The following RBKS variants were observed in gnomAD, a reference collection of about 807,000 sequenced individuals.
RBKS encodes ribokinase.
RBKS carries 33 observed loss-of-function variants against 33.9 expected under a neutral mutation model. That is an observed-to-expected ratio of 0.97 (90% confidence interval 0.74 to 1.30). The LOEUF is 1.30. RBKS is among the 50% of genes most tolerant of loss of function. The pLI is 0.00. For synonymous variants in RBKS, 125 were observed against 143.0 expected, an observed-to-expected ratio of 0.87 and a Z score of 0.90; for missense variants, 361 against 392.6, an observed-to-expected ratio of 0.92 and a Z score of 0.68.
At chr2:27,848,609 TGTTAA>T (rs1289584402) in intron 2 of RBKS, among the ~76,000 whole-genome samples, 1 of 152,226 alleles carries the variant, frequency 6.6e-6, no homozygotes, top group Non-Finnish European at 1.5e-5. Flanking sequence ...GCATCTATTC[TGTTAA>T]AGGTATTTCA....
chr2:27,840,352 ACACGCGCGCGCG>A (rs1558546936), intron 5 of RBKS, among the ~76,000 whole-genome samples: 3 of 132,926 alleles, frequency 2.3e-5, no homozygotes, highest in African/African-American at 3.2e-5. Context: ...ACACACACAC[ACACGCGCGCGCG>A]CACACACACA....
intron 7 of RBKS, among the ~76,000 whole-genome samples, chr2:27,811,388 T>A (rs1347171406): frequency 6.6e-6 from 1 of 152,244 alleles, no homozygotes; most frequent in Non-Finnish European, 1.5e-5. Context: ...GTGTGCTGAA[T>A]AAGAAAGTGT....
chr2:27,873,772 G>A (rs969652331), intron 1 of RBKS, among the ~76,000 whole-genome samples: 5 of 151,790 alleles, frequency 3.3e-5, no homozygotes, highest in Non-Finnish European at 7.4e-5. Context: ...GCATTTGAAC[G>A]TATTTTTGAC....
At chr2:27,797,919 G>C (rs1250968509) in intron 7 of RBKS, among the ~76,000 whole-genome samples, 1 of 152,148 alleles carries the variant, frequency 6.6e-6, no homozygotes, top group African/African-American at 2.4e-5. Context: ...GCTGCTCAGA[G>C]AGGAGGATGT....
intron 2 of RBKS, among the ~76,000 whole-genome samples, chr2:27,851,637 C>T (rs1230043331): frequency 1.3e-5 from 2 of 152,048 alleles, no homozygotes; most frequent in East Asian, 3.9e-4. Context: ...CTCTTGGGTT[C>T]AGGTGATTCT....
intron 1 of RBKS, among the ~76,000 whole-genome samples, chr2:27,883,247 TG>T (rs1182858849): frequency 5.3e-5 from 8 of 151,510 alleles, no homozygotes; most frequent in African/African-American, 1.9e-4. Flanking sequence ...TCACCCAGGC[TG>T]GAGTGCAGTG....
chr2:27,860,577 C>G (rs923691611), intron 1 of RBKS, among the ~76,000 whole-genome samples: 1 of 152,010 alleles, frequency 6.6e-6, no homozygotes, highest in Non-Finnish European at 1.5e-5. Context: ...TAAAAATCAC[C>G]AGATTATTAC....
intron 5 of RBKS, among the ~76,000 whole-genome samples, chr2:27,838,246 G>A (rs1350328751): frequency 2.6e-5 from 4 of 151,952 alleles, no homozygotes; most frequent in South Asian, 2.1e-4. Context: ...ATGTACCCCC[G>A]TGTCTAAAAT....
intron 2 of RBKS, among the ~76,000 whole-genome samples, chr2:27,850,620 T>C (rs1209172300): frequency 6.6e-6 from 1 of 152,228 alleles, no homozygotes; most frequent in African/African-American, 2.4e-5. Context: ...AATATGCAAC[T>C]AAAGTTCCTC....
rs957141682 is a variant in RBKS at position 27,864,117 on chromosome 2, C to G, written c.90-5546G>C. ...CCACAGCTCACTGTAACCTCGAACT[C>G]CTGGGCTCAAGCAATCCTCCTGCCT... On this transcript the variant is annotated intron_variant, in intron 1 of 7. Coordinates refer to ENST00000302188, the MANE Select transcript of RBKS (RefSeq NM_022128.3). Among the ~76,000 whole-genome samples, 3 of 152,060 alleles carry G rather than the reference C, an allele frequency of 2.0e-5. 1 individual carries two copies. The highest frequency in any genetic ancestry group is 7.2e-5 in the African/African-American group (3 of 41,460).
chr2:27,865,178 G>A (rs2148223056), intron 1 of RBKS, among the ~76,000 whole-genome samples: 1 of 152,306 alleles, frequency 6.6e-6, no homozygotes, highest in South Asian at 2.1e-4. Flanking sequence ...AAATTAGCCA[G>A]GCGTGGTGGC....
In RBKS at chr2:27,795,608, G is replaced by C. The variant is rs1677652243; in HGVS notation, c.796-13820C>G. ...CTGCACTCCCCCGCCACTGAAACTT[G>C]AGGGAATTGAGTCTCAGAAACATCC... On this transcript the variant is annotated intron_variant, in intron 7 of 7. Transcript: ENST00000302188. This position sits in a 1 kb window ranked among gnomAD's most constrained non-coding sequence, Gnocchi z 4.1. Among the ~76,000 whole-genome samples, 1 of 152,108 alleles carries C rather than the reference G, an allele frequency of 6.6e-6. No homozygotes were observed. The highest frequency in any genetic ancestry group is 1.5e-5 in the Non-Finnish European group (1 of 68,034).
At chr2:27,833,684 C>T (rs992410033) in intron 5 of RBKS, among the ~76,000 whole-genome samples, 1 of 152,216 alleles carries the variant, frequency 6.6e-6, no homozygotes, top group African/African-American at 2.4e-5. Flanking sequence ...ACTCTGTCCA[C>T]ACCAACACAT....
At chr2:27,801,989 TA>T (rs1272353931) in intron 7 of RBKS, among the ~76,000 whole-genome samples, 11 of 91,410 alleles carry the variant, frequency 1.2e-4, no homozygotes, top group African/African-American at 4.2e-4. Context: ...TATATATATA[TA>T]TATTTTTTTT....
intron 1 of RBKS, among the ~76,000 whole-genome samples, chr2:27,872,623 G>A (rs749825645): frequency 3.9e-5 from 6 of 152,042 alleles, no homozygotes; most frequent in Non-Finnish European, 7.4e-5. Flanking sequence ...GGTTAAACTC[G>A]GCAGGAAAAT....
intron 5 of RBKS, among the ~76,000 whole-genome samples, chr2:27,836,785 T>TTAC (rs1055078321): frequency 2.4e-4 from 37 of 152,110 alleles, no homozygotes; most frequent in African/African-American, 8.5e-4. Context: ...TATAAGGAAC[T>TTAC]TACATAAATC....
intron 2 of RBKS, among the ~76,000 whole-genome samples, chr2:27,849,290 C>T (rs1033515616): frequency 4.6e-5 from 7 of 151,850 alleles, no homozygotes; most frequent in Non-Finnish European, 2.9e-5. Flanking sequence ...AGGCTGGGTG[C>T]GGTGGCTCAT....
intron 6 of RBKS, among the ~76,000 whole-genome samples, chr2:27,831,603 G>A (rs930252785): frequency 6.6e-6 from 1 of 152,164 alleles, no homozygotes. Flanking sequence ...TATCAAGAAA[G>A]CAGGTCAAGA....
chr2:27,827,899 A>G, intron 6 of RBKS, 144 bp from the exon 7 acceptor site: 1 of 646,624 alleles, frequency 1.5e-6, no homozygotes, highest in Non-Finnish European at 2.4e-6. Context: ...GGTACAGGAA[A>G]ATAAATAAAG....
Sources: allele counts gnomAD v4.1 joint callset (sites outside exome capture counted in the v4.1 genomes callset), GRCh38; gene constraint gnomAD v4.1.1; non-coding constraint Gnocchi (gnomAD v3.1); transcripts MANE v1.5; gene names NCBI Gene and HGNC (gene_info 2026-07-23, HGNC 2026-07-21).